The following ABHD18 variants were observed in gnomAD, a reference collection of about 807,000 sequenced individuals.
The protein encoded by ABHD18 is abhydrolase domain containing 18, also known as cardiolipin-specific deacylase, mitochondrial.
Under a neutral mutation model 65.9 loss-of-function variants are expected in ABHD18, and 55 were observed. The observed-to-expected ratio is 0.84, with a 90% CI of 0.67 to 1.05. The LOEUF is 1.05. ABHD18 is among the 50% of genes least tolerant of loss of function. The probability of loss-of-function intolerance (pLI) is 0.00; values close to 1 mark genes in which losing one functional copy is unlikely to be tolerated. For synonymous variants in ABHD18, 181 were observed against 180.2 expected (o/e 1.00, Z -0.04); for missense variants, 533 against 558.5 (o/e 0.95, Z 0.46).
chr4:127,986,080 A>G (rs1351590767), intron 3 of ABHD18, among the ~76,000 whole-genome samples: 1 of 152,200 alleles, frequency 6.6e-6, no homozygotes, highest in Non-Finnish European at 1.5e-5. Flanking sequence ...TTTAAATTAT[A>G]TTACCAAGAT....
At chr4:128,004,143 T>C (rs966147883) in intron 4 of ABHD18, among the ~76,000 whole-genome samples, 9 of 152,090 alleles carry the variant, frequency 5.9e-5, no homozygotes, top group African/African-American at 2.2e-4. Flanking sequence ...CCTGCCTCTT[T>C]TTGTTTTTTT....
chr4:127,978,916 G>GT lies in ABHD18; in HGVS notation c.-17-4022dup, dbSNP rs201782885. Among the ~76,000 whole-genome samples the GT allele has an allele frequency of 4.4e-3, 664 of 152,246 alleles. 6 individuals carry two copies. Among genetic ancestry groups the GT allele is most frequent in the African/African-American group, 0.015 (641 of 41,554 alleles). On this transcript the variant is annotated intron_variant, in intron 1 of 12. Transcript: ENST00000645843. ...GAACCCACTGTAAAGTTGAAAAATC[G>GT]TAAGTTGAACCACTGTAAGTCTAAA...
intron 12 of ABHD18, among the ~76,000 whole-genome samples, chr4:128,032,045 CTT>C (rs1191778828): frequency 1.3e-5 from 2 of 152,160 alleles, no homozygotes; most frequent in South Asian, 2.1e-4. Context: ...TTCTTTCACT[CTT>C]TTGTGTATCT....
intron 7 of ABHD18, among the ~76,000 whole-genome samples, chr4:128,014,551 T>C (rs937045463): frequency 5.3e-5 from 8 of 152,196 alleles, no homozygotes; most frequent in South Asian, 2.1e-4. Flanking sequence ...TTATAAAATA[T>C]TCTATCACAT....
intron 10 of ABHD18, among the ~76,000 whole-genome samples, chr4:128,027,354 A>G (rs754537941): frequency 6.6e-6 from 1 of 152,200 alleles, no homozygotes; most frequent in African/African-American, 2.4e-5. Flanking sequence ...CCTTAAACTT[A>G]GAATATAGTT....
At chr4:128,029,755 G>A (rs548124936) in intron 11 of ABHD18, among the ~76,000 whole-genome samples, 8 of 151,650 alleles carry the variant, frequency 5.3e-5, no homozygotes, top group Admixed American at 1.3e-4. Flanking sequence ...AACCCGGGAG[G>A]TGGAGGTTGC....
At chr4:128,024,166 T>G (rs1756989297) in intron 10 of ABHD18, among the ~76,000 whole-genome samples, 2 of 152,156 alleles carry the variant, frequency 1.3e-5, no homozygotes, top group South Asian at 4.1e-4. Flanking sequence ...AGTGCCTTCT[T>G]GCTGCATTAT....
At chr4:127,969,204 C>CTTTTTTTTTTTTTTT (rs372720678) in intron 1 of ABHD18, among the ~76,000 whole-genome samples, 1 of 139,064 alleles carries the variant, frequency 7.2e-6, no homozygotes, top group African/African-American at 2.6e-5. Flanking sequence ...TTTCTTTTTT[C>CTTTTTTTTTTTTTTT]TTTTTTTTTT....
intron 9 of ABHD18, among the ~76,000 whole-genome samples, chr4:128,020,911 G>A (rs1435263510): frequency 2.0e-5 from 3 of 152,054 alleles, no homozygotes; most frequent in African/African-American, 4.8e-5. Context: ...GCACATGCCT[G>A]TAGTCTCAGC....
rs959959910 is a variant in ABHD18, at chr4:128,035,919, G to A, written c.*106G>A. ...GCAGACAGCACTAATATATCTAATC[G>A]CTATCAATTTGGTCTGGAATTCATT... On this transcript the variant is annotated 3_prime_UTR_variant, in exon 13 of 13. Transcript: ENST00000645843. 4 of 546,706 alleles carry A rather than the reference G, an allele frequency of 7.3e-6. No homozygotes were observed. Among genetic ancestry groups the A allele is most frequent in the Admixed American group, 3.5e-5 (1 of 28,350 alleles). The allele number at this position is 546,706 out of a possible 1,614,324, so 33.9% of individuals were successfully genotyped here.
intron 12 of ABHD18, among the ~76,000 whole-genome samples, chr4:128,031,598 A>G (rs993007272): frequency 6.6e-6 from 1 of 152,246 alleles, no homozygotes; most frequent in Non-Finnish European, 1.5e-5. Flanking sequence ...TGCCCTGTAC[A>G]TAAGTGTTAA....
intron 10 of ABHD18, among the ~76,000 whole-genome samples, chr4:128,022,769 CTTTTTTTT>C (rs1234304858): frequency 2.3e-5 from 3 of 130,958 alleles, no homozygotes; most frequent in Non-Finnish European, 3.3e-5. Flanking sequence ...CGATCCTTTT[CTTTTTTTT>C]TTTTTTTTCT....
intron 1 of ABHD18, among the ~76,000 whole-genome samples, chr4:127,976,592 T>A (rs1747970257): frequency 6.6e-6 from 1 of 152,220 alleles, no homozygotes; most frequent in Non-Finnish European, 1.5e-5. Flanking sequence ...GTCTCTCCTC[T>A]AGTCTTTTTA....
chr4:128,019,244 A>G (rs1293500820), intron 8 of ABHD18, among the ~76,000 whole-genome samples: 1 of 152,100 alleles, frequency 6.6e-6, no homozygotes, highest in Non-Finnish European at 1.5e-5. Flanking sequence ...CTTCTTTGAC[A>G]ATACTACTCC....
At chr4:128,001,846 GT>G (rs35200534) in intron 4 of ABHD18, 582,459 of 1,055,086 alleles carry the variant, frequency 0.55, 132,715 homozygotes, top group Middle Eastern at 0.73. Flanking sequence ...GTTTTGTTTT[GT>G]TTTTTTTTTT....
chr4:128,010,327 C>G (rs1359987218), intron 6 of ABHD18, among the ~76,000 whole-genome samples: 3 of 151,968 alleles, frequency 2.0e-5, no homozygotes, highest in Admixed American at 1.3e-4. Flanking sequence ...GTCAGGAGTT[C>G]GAGACCAGCC....
chr4:127,978,411 TA>T (rs1227403798), intron 1 of ABHD18, among the ~76,000 whole-genome samples: 3 of 152,154 alleles, frequency 2.0e-5, no homozygotes, highest in Non-Finnish European at 2.9e-5. Context: ...TGAATACTTT[TA>T]CAGCGTATTG....
In ABHD18 at chr4:128,017,528, T is replaced by G. The variant is rs536044467; in HGVS notation, c.609+27T>G. ...TAAGCCTTTTTATTTCTGCTTACAT[T>G]TAATTATGTTTATGTTTGTAAGATC... On this transcript the variant is annotated intron_variant, in intron 8 of 12. Transcript: ENST00000645843. The G allele has an allele frequency of 1.9e-6, 3 of 1,561,330 alleles. No individual in the cohort carries two copies. In the East Asian group the frequency reaches 6.8e-5, roughly 35 times the overall value.
At chr4:127,994,509 C>T (rs1751429356) in intron 4 of ABHD18, among the ~76,000 whole-genome samples, 2 of 152,068 alleles carry the variant, frequency 1.3e-5, no homozygotes, top group African/African-American at 2.4e-5. Flanking sequence ...ATCGCTTGAA[C>T]CTGGAAGGCG....
Sources: gnomAD v4.1 joint callset for allele counts (sites outside exome capture counted in the v4.1 genomes callset) on GRCh38, gnomAD v4.1.1 for gene constraint, MANE v1.5 for transcripts, NCBI Gene and HGNC (gene_info 2026-07-23, HGNC 2026-07-21) for gene names.